The following WDR87 variants were observed in gnomAD, a reference collection of about 807,000 sequenced individuals.
The protein encoded by WDR87 is WD repeat domain 87, also known as WD repeat-containing protein 87.
WDR87 carries 56 observed loss-of-function variants against 83.3 expected under a neutral mutation model. The observed-to-expected ratio is 0.67, with a 90% confidence interval of 0.54 to 0.84. The LOEUF is 0.84. Among genes scored for constraint, WDR87 ranks in the 40% least tolerant of loss-of-function variants. WDR87 has a pLI of 0.00. For missense variants in WDR87, 2,939 were observed against 3,431.9 expected (o/e 0.86, Z 3.59); for synonymous variants, 1,173 against 1,250.6 (o/e 0.94, Z 1.31).
At position 37,891,542 on chromosome 19, in the gene WDR87, C is replaced by T. The variant is rs771640829; in HGVS notation, c.3394+10G>A. On this transcript the variant is annotated intron_variant, in intron 5 of 5. Coordinates refer to ENST00000447313, the MANE Select transcript of WDR87 (RefSeq NM_001291088.2). ...ACCCTGAGGCACAGACCAGATTACC[C>T]CTTACATACTATGCTTTTTGACCCC... 2 of 1,551,916 alleles carry T rather than the reference C, an allele frequency of 1.3e-6. No homozygotes were observed. The highest frequency in any genetic ancestry group is 1.2e-5 in the South Asian group (1 of 84,038).
rs1183657160 is a variant in WDR87 at position 37,886,413 on chromosome 19, T to C, written c.7258A>G (p.Ile2420Val). ...RGVPHGKGRAIRLGVLKSPLK... is the reference protein window; with the variant it reads ...RGVPHGKGRAVRLGVLKSPLK... ...GGGCTTTTTAGAACTCCTAGTCTTA[T>C]AGCCCTGCCTTTGCCATGAGGAACT... Residue 2420 changes from isoleucine (I) to valine (V), a missense_variant, in exon 6 of 6, where the codon ATA (isoleucine) becomes GTA (valine). Ile to Val is a conservative substitution (Grantham distance 29). Around this residue, in one of 3 missense-constraint regions of WDR87, gnomAD observed 2,160 missense variants for 2,533.1 expected, o/e 0.85. Coordinates refer to ENST00000447313, the MANE Select transcript of WDR87 (RefSeq NM_001291088.2). 3.3e-6 allele frequency: 5 copies of C among 1,537,264 alleles called. No homozygotes were observed. Among genetic ancestry groups the C allele is most frequent in the South Asian group, 1.2e-5 (1 of 80,342 alleles).
chr19:37,890,960 A>G (rs1438303225), intron 5 of WDR87, among the ~76,000 whole-genome samples: 1 of 152,184 alleles, frequency 6.6e-6, no homozygotes, highest in African/African-American at 2.4e-5. Flanking sequence ...AAAAAATTAT[A>G]CTTTAAGTTC....
At chr19:37,899,968 T>TG (rs2046283577) in intron 1 of WDR87, among the ~76,000 whole-genome samples, 1 of 152,174 alleles carries the variant, frequency 6.6e-6, no homozygotes, top group Non-Finnish European at 1.5e-5. Flanking sequence ...AGAGAACTGT[T>TG]GGAGTCCCAA....
chr19:37,895,178 C>A lies in WDR87; in HGVS notation c.525G>T (p.Trp175Cys), dbSNP rs1303463024. The A allele has an allele frequency of 6.4e-7, 1 of 1,551,720 alleles. No homozygotes were observed. Among genetic ancestry groups the A allele is most frequent in the Admixed American group, 2.0e-5 (1 of 51,008 alleles). ...GGCCCGTGCCACCTAGCTCAATGAC[C>A]CAGGTCACCACTGCCCCCAGGATGC... ...LSGILGAVVT[W>C]VIELGGTGLQ... The change falls in exon 4 of 6, where the codon TGG becomes TGT. Residue 175 changes from tryptophan (W) to cysteine (C), a missense_variant. Around this residue, in one of 3 missense-constraint regions of WDR87, gnomAD observed 226 missense variants for 320.9 expected, o/e 0.70. Coordinates refer to ENST00000447313, the MANE Select transcript of WDR87 (RefSeq NM_001291088.2).
Position 37,894,356 on chromosome 19 carries a change from T to C in WDR87, c.1347A>G (p.Leu449=). The stretch of plus-strand genomic sequence containing the variant: ...AGTCCTGAGAATTTGGTGAGGTGCC[T>C]AAGAGATACTTGGCTGGGCAAGGGC... The part of the protein sequence containing the change: ...TRCPCPAKYL[L]GTSPNSQDFV... The change falls in exon 4 of 6, where the codon TTA becomes TTG. Residue 449 remains leucine, a synonymous_variant. Transcript: ENST00000447313. The C allele has an allele frequency of 6.4e-7, 1 of 1,551,738 alleles. No individual in the cohort carries two copies. The highest frequency in any genetic ancestry group is 8.7e-7 in the Non-Finnish European group (1 of 1,147,018).
intron 4 of WDR87, 130 bp downstream of exon 4, chr19:37,892,448 A>T (rs2046213858): frequency 2.4e-6 from 2 of 842,172 alleles, no homozygotes; most frequent in Non-Finnish European, 3.6e-6. Flanking sequence ...ATAGTCATCT[A>T]GGCGTGAGCA....
intron 2 of WDR87, among the ~76,000 whole-genome samples, chr19:37,897,203 T>TG (rs540094889): frequency 1.3e-5 from 1 of 76,254 alleles, no homozygotes; most frequent in Admixed American, 1.7e-4. Flanking sequence ...TCTGGGATCC[T>TG]GTTTTTTTTT....
Position 37,894,586 on chromosome 19 carries a change from A to G in WDR87, c.1117T>C (p.Cys373Arg). 6.4e-7 allele frequency: 1 copy of G among 1,551,734 alleles called. No individual in the cohort carries two copies. The highest frequency in any genetic ancestry group is 2.4e-5 in the East Asian group (1 of 40,922). The change falls in exon 4 of 6, where the codon TGT (cysteine) becomes CGT (arginine). Residue 373 changes from cysteine to arginine, a missense_variant. Cys to Arg is a radical substitution (Grantham distance 180). Transcript: ENST00000447313. ...SAPQQLRRVC[C>R]GNNWFRILCT... ...AGGATCCGGAACCAGTTATTTCCACAGCAGACCCGACGCAACTGCTGGGGA... is the reference window on the plus strand; with the variant it reads ...AGGATCCGGAACCAGTTATTTCCACGGCAGACCCGACGCAACTGCTGGGGA...
At position 37,887,065 on chromosome 19, in the gene WDR87, T is replaced by C. The variant is rs753314175; in HGVS notation, c.6606A>G (p.Glu2202=). The change falls in exon 6 of 6, where the codon GAA becomes GAG. Residue 2202 remains glutamate (E), a synonymous_variant. Transcript: ENST00000447313. ...MINKEEKMTE[E]ESKLARKHSE... ...AATGCTTTCTGGCCAATTTGCTCTCTTCCTCAGTCATTTTTTCTTCTTTGT... is the reference window on the plus strand; with the variant it reads ...AATGCTTTCTGGCCAATTTGCTCTCCTCCTCAGTCATTTTTTCTTCTTTGT... The C allele has an allele frequency of 3.9e-6, 6 of 1,551,088 alleles. No homozygotes were observed. In the South Asian group the frequency reaches 7.2e-5, roughly 19 times the overall value.
chr19:37,895,561 A>C (rs1437595935), intron 3 of WDR87, 105 bp from the exon 4 acceptor site: 2 of 1,002,936 alleles, frequency 2.0e-6, no homozygotes, highest in Non-Finnish European at 2.9e-6. Context: ...TGAGGTCAGG[A>C]GTTCGAGAGC....
At position 37,885,483 on chromosome 19, in the gene WDR87, G is replaced by C; in HGVS notation, c.8188C>G (p.Gln2730Glu). Residue 2730 changes from glutamine to glutamate, a missense_variant, in exon 6 of 6, where the codon CAA becomes GAA. By Grantham distance (29) the Gln-to-Glu change is conservative. Around this residue, in one of 3 missense-constraint regions of WDR87, gnomAD observed 2,160 missense variants for 2,533.1 expected, o/e 0.85. Transcript: ENST00000447313. ...TCCTTAAAATCCCAGAAGTCCTTTTGAAACATCAGTGCCAGGGTTTGTTTT... is the reference window on the plus strand; with the variant it reads ...TCCTTAAAATCCCAGAAGTCCTTTTCAAACATCAGTGCCAGGGTTTGTTTT... ...VEKQTLALMF[Q>E]KDFWDFKDKR... 6.4e-7 allele frequency: 1 copy of C among 1,551,498 alleles called. No individual in the cohort carries two copies. Among genetic ancestry groups the C allele is most frequent in the Non-Finnish European group, 8.7e-7 (1 of 1,146,996 alleles).
Position 37,887,850 on chromosome 19 carries a change from C to T in WDR87, c.5821G>A (p.Val1941Met), listed in dbSNP as rs1032269384. ...EEKLTQEKET[V>M]IKKKEKLAET... ...GCCAGTTTCTCCTTCTTCTTGATCA[C>T]AGTCTCCTTTTCCTGTGTCAGCTTC... Residue 1941 changes from valine (V) to methionine (M), a missense_variant, in exon 6 of 6, where the codon GTG (valine) becomes ATG (methionine). Val to Met is a conservative substitution (Grantham distance 21). Coordinates refer to ENST00000447313, the MANE Select transcript of WDR87 (RefSeq NM_001291088.2). 1 of 1,551,138 alleles carries T rather than the reference C, an allele frequency of 6.4e-7. No homozygotes were observed. Among genetic ancestry groups the T allele is most frequent in the Non-Finnish European group, 8.7e-7 (1 of 1,146,948 alleles).
chr19:37,900,848 T>G (rs1215912353), intron 1 of WDR87, among the ~76,000 whole-genome samples: 1 of 150,892 alleles, frequency 6.6e-6, no homozygotes, highest in Non-Finnish European at 1.5e-5. Context: ...CTTCAGATCC[T>G]GCACAGCAGT....
Position 37,895,055 on chromosome 19 carries a change from C to G in WDR87, c.648G>C (p.Thr216=), listed in dbSNP as rs62112272. Reference sequence around the variant, plus strand: ...CCTGGTGCATAAGGACCCTCACCACCGTCTCACACAGGGCCAGGAGGGAGC... The same window carrying G: ...CCTGGTGCATAAGGACCCTCACCACGGTCTCACACAGGGCCAGGAGGGAGC... ...PSGSLLALCE[T]VVRVLMHQGK... The change falls in exon 4 of 6, where the codon ACG becomes ACC. Residue 216 remains threonine, a synonymous_variant. Transcript: ENST00000447313. The G allele has an allele frequency of 3.9e-6, 6 of 1,551,652 alleles. No individual in the cohort carries two copies. Among genetic ancestry groups the G allele is most frequent in the Non-Finnish European group, 4.4e-6 (5 of 1,146,984 alleles).
intron 1 of WDR87, among the ~76,000 whole-genome samples, chr19:37,900,105 T>C (rs2046284202): frequency 6.6e-6 from 1 of 152,184 alleles, no homozygotes; most frequent in African/African-American, 2.4e-5. Flanking sequence ...TCATCTCACA[T>C]GCATACAGTG....
At position 37,894,703 on chromosome 19, in the gene WDR87, C is replaced by T; in HGVS notation, c.1000G>A (p.Asp334Asn). 6.4e-7 allele frequency: 1 copy of T among 1,551,736 alleles called. No individual in the cohort carries two copies. Among genetic ancestry groups the T allele is most frequent in the Non-Finnish European group, 8.7e-7 (1 of 1,147,010 alleles). ...GTTTGGCAGAAGAAAGTAATGCTGT[C>T]AATAAACTGGAGCCGGTATAGCTCC... is the stretch of plus-strand genomic sequence containing the variant. ...GEELYRLQFIDSITFFCQTAH... is the reference protein window; with the variant it reads ...GEELYRLQFINSITFFCQTAH... The change falls in exon 4 of 6, where the codon GAC becomes AAC. Residue 334 changes from aspartate (D) to asparagine (N), a missense_variant. By Grantham distance (23) the Asp-to-Asn change is conservative (BLOSUM62 1). Coordinates refer to ENST00000447313, the MANE Select transcript of WDR87 (RefSeq NM_001291088.2).
In WDR87 at chr19:37,885,426, C is replaced by T. The variant is rs901498651; in HGVS notation, c.8245G>A (p.Glu2749Lys). The change falls in exon 6 of 6, where the codon GAG becomes AAG. Residue 2749 changes from glutamate (E) to lysine (K), a missense_variant. By Grantham distance (56) the Glu-to-Lys change is moderately conservative. Transcript: ENST00000447313. ...TTAGAAATGGGCTGTGTCTTCTTCT[C>T]TAACTTGGGCAGTTTAGGAAACCTG... ...KRRFPKLPKL[E>K]KKTQPISKKK... 5 of 1,551,818 alleles carry T rather than the reference C, an allele frequency of 3.2e-6. No homozygotes were observed. The highest frequency in any genetic ancestry group is 3.9e-5 in the Admixed American group (2 of 51,002).
At position 37,886,049 on chromosome 19, in the gene WDR87, G is replaced by T; in HGVS notation, c.7622C>A (p.Thr2541Asn). 1 of 1,551,732 alleles carries T rather than the reference G, an allele frequency of 6.4e-7. No homozygotes were observed. ...TTGGGAGAGAGGTAACTGTACCTCA[G>T]TCTGTCCCATCAGAGGTGGATGCTG... is the stretch of plus-strand genomic sequence containing the variant. ...FLQHPPLMGQTEVQLPLSQIP... is the reference protein window; with the variant it reads ...FLQHPPLMGQNEVQLPLSQIP... Residue 2541 changes from threonine (T) to asparagine (N), a missense_variant, in exon 6 of 6, where the codon ACT becomes AAT. By Grantham distance (65) the Thr-to-Asn change is moderately conservative. This residue lies in a region of WDR87 where 2,160 missense variants were observed against 2,533.1 expected (regional missense o/e 0.85). Transcript: ENST00000447313.
intron 1 of WDR87, among the ~76,000 whole-genome samples, chr19:37,905,228 C>G (rs2046317251): frequency 7.4e-6 from 1 of 134,652 alleles, no homozygotes; most frequent in South Asian, 2.3e-4. Context: ...GGGACTCCGT[C>G]TCCAAAAAAA....
Sources: allele counts gnomAD v4.1 joint callset (sites outside exome capture counted in the v4.1 genomes callset), GRCh38; gene constraint gnomAD v4.1.1; regional missense constraint gnomAD v4.1.1; transcripts MANE v1.5; gene names NCBI Gene and HGNC (gene_info 2026-07-23, HGNC 2026-07-21).